The following TMPRSS2 variants were observed in gnomAD, a reference collection of about 807,000 sequenced individuals.
The protein encoded by TMPRSS2 is transmembrane serine protease 2.
TMPRSS2 carries 59 observed loss-of-function variants against 67.4 expected under a neutral mutation model. The ratio of observed to expected loss-of-function variants is 0.88; its 90% CI spans 0.71 to 1.09. The LOEUF is 1.09. TMPRSS2 is among the 50% of genes least tolerant of loss of function. TMPRSS2 has a pLI of 0.00. For missense variants in TMPRSS2, 668 were observed against 642.7 expected, an observed-to-expected ratio of 1.04 and a Z score of -0.43; for synonymous variants, 257 against 257.0, an observed-to-expected ratio of 1.00 and a Z score of 0.00.
In TMPRSS2 at chr21:41,473,532, C is replaced by T. The variant is rs368812287; in HGVS notation, c.728-36G>A. ...CAAACAGGAGGCCAGTGGGGTGAGA[C>T]CAGCAGAAGCCGCCCAGCCACCCAG... is the stretch of plus-strand genomic sequence containing the variant. On this transcript the variant is annotated intron_variant, in intron 8 of 13. Transcript: ENST00000332149. 108 of 1,572,860 alleles carry T rather than the reference C, an allele frequency of 6.9e-5. No individual in the cohort carries two copies. In the African/African-American group the frequency reaches 1.2e-3, roughly 18 times the overall value.
At chr21:41,469,391 C>A (rs1270064904) in intron 11 of TMPRSS2, among the ~76,000 whole-genome samples, 2 of 152,022 alleles carry the variant, frequency 1.3e-5, no homozygotes, top group Admixed American at 6.5e-5. Flanking sequence ...TCCATCCATT[C>A]ATCCCCACTC....
intron 9 of TMPRSS2, 125 bp downstream of exon 9, chr21:41,473,200 T>A: frequency 8.8e-7 from 1 of 1,133,254 alleles, no homozygotes; most frequent in Non-Finnish European, 1.2e-6. Context: ...AGGAAGCAGG[T>A]GCAATACTCT....
chr21:41,480,303 G>T (rs1161337445), intron 6 of TMPRSS2, among the ~76,000 whole-genome samples, 173 bp downstream of exon 6: 2 of 152,260 alleles, frequency 1.3e-5, no homozygotes, highest in Non-Finnish European at 2.9e-5. Flanking sequence ...TGTGTGCTGG[G>T]CACAGCCCTA....
At chr21:41,467,627 A>G in intron 13 of TMPRSS2, 107 bp downstream of exon 13, 5 of 1,361,736 alleles carry the variant, frequency 3.7e-6, no homozygotes, top group Non-Finnish European at 4.1e-6. Flanking sequence ...CTTCATGCTG[A>G]CCAGTGGTCA....
chr21:41,480,648 C>CT (rs760122929), intron 5 of TMPRSS2, 46 bp from the exon 6 acceptor site: 17 of 1,600,106 alleles, frequency 1.1e-5, no homozygotes, highest in South Asian at 4.5e-5. Context: ...CTTTTTTTTT[C>CT]TTTTTTTTGA....
At chr21:41,485,636 G>A (rs1319488019) in intron 5 of TMPRSS2, among the ~76,000 whole-genome samples, 1 of 136,200 alleles carries the variant, frequency 7.3e-6, no homozygotes, top group Non-Finnish European at 1.6e-5. Flanking sequence ...GCAACAGAGT[G>A]AAACCCTGTC....
At chr21:41,469,100 A>T (rs915429835) in intron 11 of TMPRSS2, among the ~76,000 whole-genome samples, 1 of 151,866 alleles carries the variant, frequency 6.6e-6, no homozygotes, top group Non-Finnish European at 1.5e-5. Context: ...CAAAACCAGA[A>T]CCCTCCGTCA....
At chr21:41,483,529 C>T (rs2091272842) in intron 5 of TMPRSS2, among the ~76,000 whole-genome samples, 1 of 151,834 alleles carries the variant, frequency 6.6e-6, no homozygotes, top group South Asian at 2.1e-4. Context: ...CGATCCCCAC[C>T]CCCTCCGCCC....
At chr21:41,500,824 T>C (rs2187238) in intron 1 of TMPRSS2, among the ~76,000 whole-genome samples, 21,830 of 152,216 alleles carry the variant, frequency 0.14, 1,801 homozygotes, top group Non-Finnish European at 0.19. Flanking sequence ...GTCTGCTTTG[T>C]GAAGAGAGAG....
In TMPRSS2 at chr21:41,465,178, T is replaced by C. The variant is rs1459042342; in HGVS notation, c.*964A>G. 2.6e-5 allele frequency: 6 copies of C among 233,632 alleles called. No homozygotes were observed. The highest frequency in any genetic ancestry group is 1.8e-4 in the South Asian group (1 of 5,532). The allele number at this position is 233,632 out of a possible 1,614,324, so 14.5% of individuals were successfully genotyped here. ...ACAGTTTCAAAGAGTTAAATGAAGG[T>C]GGACTACTTGGAGACATCAAAAGCT... On this transcript the variant is annotated 3_prime_UTR_variant, in exon 14 of 14. Coordinates refer to ENST00000332149, the MANE Select transcript of TMPRSS2 (RefSeq NM_005656.4).
intron 4 of TMPRSS2, among the ~76,000 whole-genome samples, chr21:41,488,786 C>T (rs1210853029): frequency 5.9e-5 from 9 of 152,140 alleles, no homozygotes; most frequent in Non-Finnish European, 1.2e-4. Context: ...TACAGGTGCA[C>T]GCCACCACGC....
intron 5 of TMPRSS2, among the ~76,000 whole-genome samples, chr21:41,484,218 G>A (rs759584144): frequency 5.3e-5 from 8 of 152,158 alleles, no homozygotes; most frequent in Admixed American, 1.3e-4. Context: ...TGTCCACCAC[G>A]TCACATAATT....
At chr21:41,480,454 G>A (rs2146451515) in intron 6 of TMPRSS2, 22 bp downstream of exon 6, 1 of 1,609,354 alleles carries the variant, frequency 6.2e-7, no homozygotes. Flanking sequence ...CTGTCACTCG[G>A]CGGGTGCTGC....
At chr21:41,476,678 C>T in intron 7 of TMPRSS2, 58 bp from the exon 8 acceptor site, 3 of 1,451,512 alleles carry the variant, frequency 2.1e-6, no homozygotes, top group Non-Finnish European at 2.9e-6. Context: ...CTGCCTCTCA[C>T]ATGCTTAGAA....
Position 41,488,396 on chromosome 21 carries a change from C to A in TMPRSS2, c.443G>T (p.Cys148Phe), listed in dbSNP as rs1457065268. Residue 148 changes from cysteine to phenylalanine, a missense_variant and splice_region_variant, in exon 5 of 14, where the codon TGT becomes TTT. Transcript: ENST00000332149. ...HCPGGEDENR[C>F]VRLYGPNFIL... ...TCCCAAGGTCAAGGCTGACTCACCA[C>A]ACCGATTCTCGTCCTCCCCGCCGGG... 6 of 1,612,152 alleles carry A rather than the reference C, an allele frequency of 3.7e-6. No individual in the cohort carries two copies. Among genetic ancestry groups the A allele is most frequent in the Non-Finnish European group, 5.1e-6 (6 of 1,179,090 alleles).
chr21:41,472,692 G>A (rs888748505), intron 9 of TMPRSS2, among the ~76,000 whole-genome samples: 2 of 152,186 alleles, frequency 1.3e-5, no homozygotes, highest in African/African-American at 4.8e-5. Context: ...CTAAGGGCAC[G>A]CAGCAAGAGA....
At chr21:41,483,563 G>A (rs1466954834) in intron 5 of TMPRSS2, among the ~76,000 whole-genome samples, 12 of 150,224 alleles carry the variant, frequency 8.0e-5, no homozygotes, top group African/African-American at 2.7e-4. Context: ...CCCAAAGTGC[G>A]GGGATTACAG....
chr21:41,477,178 G>A (rs1019485547), intron 7 of TMPRSS2, among the ~76,000 whole-genome samples: 1 of 152,134 alleles, frequency 6.6e-6, no homozygotes, highest in African/African-American at 2.4e-5. Context: ...GGGAAGACGC[G>A]GCCCCTGGCA....
At position 41,478,422 on chromosome 21, in the gene TMPRSS2, C is replaced by T. The variant is rs1448421553; in HGVS notation, c.683+750G>A. ...CTGGGGACCTGGGAGGCAAGGAGAG[C>T]TCATGGGCAAAGGACACTGTGTATC... On this transcript the variant is annotated intron_variant, in intron 7 of 13. Coordinates refer to ENST00000332149, the MANE Select transcript of TMPRSS2 (RefSeq NM_005656.4). The surrounding 1 kb of genome is among the most constrained non-coding windows in gnomAD (Gnocchi z 4.0). Among the ~76,000 whole-genome samples, 1 of 152,224 alleles carries T rather than the reference C, an allele frequency of 6.6e-6. No individual in the cohort carries two copies. Among genetic ancestry groups the T allele is most frequent in the Non-Finnish European group, 1.5e-5 (1 of 68,040 alleles).
Sources: gnomAD v4.1 joint callset for allele counts (sites outside exome capture counted in the v4.1 genomes callset) on GRCh38, gnomAD v4.1.1 for gene constraint, Gnocchi (gnomAD v3.1) non-coding constraint, MANE v1.5 for transcripts, NCBI Gene and HGNC (gene_info 2026-07-23, HGNC 2026-07-21) for gene names.